The following NEDD9 variants were observed in gnomAD, a reference collection of about 807,000 sequenced individuals.
NEDD9 encodes enhancer of filamentation 1.
A neutral mutation model predicts 76.6 loss-of-function variants in NEDD9; 26 were observed. That is an observed-to-expected ratio of 0.34 (90% CI 0.25 to 0.47). The LOEUF is 0.47. Ranked by LOEUF, NEDD9 falls within the 20% of genes least tolerant of loss-of-function variation. NEDD9 has a pLI of 1.00. For missense variants in NEDD9, 937 were observed against 1,058.5 expected, an observed-to-expected ratio of 0.89 and a Z score of 1.59; for synonymous variants, 392 against 414.2, an observed-to-expected ratio of 0.95 and a Z score of 0.65.
chr6:11,188,233 C>A lies in NEDD9; in HGVS notation c.1980G>T (p.Gln660His). 1 of 1,614,110 alleles carries A rather than the reference C, an allele frequency of 6.2e-7. No homozygotes were observed. ...KENIMKQNKMQLEHHQLSQFQ... is the reference protein window; with the variant it reads ...KENIMKQNKMHLEHHQLSQFQ... ...TTGAACTTACCTGATGATGTTCCAG[C>A]TGCATCTTGTTCTGTTTCATGATAT... The change falls in exon 6 of 7, where the codon CAG becomes CAT. Residue 660 changes from glutamine to histidine, a missense_variant. Transcript: ENST00000379446.
intron 3 of NEDD9, among the ~76,000 whole-genome samples, chr6:11,277,962 C>G (rs542243190): frequency 9.2e-5 from 14 of 152,296 alleles, no homozygotes; most frequent in Admixed American, 2.6e-4. Context: ...CTGAGGGCCA[C>G]TTCTTTTCCA....
intron 3 of NEDD9, among the ~76,000 whole-genome samples, chr6:11,245,300 C>T (rs1759786837): frequency 6.6e-6 from 1 of 152,208 alleles, no homozygotes; most frequent in Admixed American, 6.5e-5. Context: ...GCAGATCCAC[C>T]CTTTTATTTC....
Position 11,190,713 on chromosome 6 carries a change from A to C in NEDD9, c.1156T>G (p.Ser386Ala), listed in dbSNP as rs773291202. The C allele has an allele frequency of 1.2e-6, 2 of 1,614,082 alleles. No individual in the cohort carries two copies. Among genetic ancestry groups the C allele is most frequent in the East Asian group, 4.5e-5 (2 of 44,874 alleles). ...GCTGACAGTGAGGACTCCTTGGAGG[A>C]GGTGGAAGACGTGGACATGTTACTC... ...TRSNMSTSSTSSKESSLSASP... is the reference protein window; with the variant it reads ...TRSNMSTSSTASKESSLSASP... The change falls in exon 5 of 7, where the codon TCC becomes GCC. Residue 386 changes from serine (S) to alanine (A), a missense_variant. Physicochemically the swap from Ser to Ala is moderately conservative, Grantham distance 99 (BLOSUM62 1). Transcript: ENST00000379446. The surrounding 1 kb of genome is among the most constrained non-coding windows in gnomAD (Gnocchi z 5.8).
At chr6:11,266,223 C>T (rs776977746) in intron 3 of NEDD9, among the ~76,000 whole-genome samples, 1 of 152,136 alleles carries the variant, frequency 6.6e-6, no homozygotes, top group African/African-American at 2.4e-5. Flanking sequence ...CAGTGGTTCT[C>T]ACCTGTGGGT....
At chr6:11,322,827 A>G (rs1014149487) in intron 2 of NEDD9, among the ~76,000 whole-genome samples, 1 of 152,186 alleles carries the variant, frequency 6.6e-6, no homozygotes, top group African/African-American at 2.4e-5. Flanking sequence ...ATTGTTTGCA[A>G]ACACCCACAG....
intron 1 of NEDD9, among the ~76,000 whole-genome samples, chr6:11,342,240 G>A (rs1382042651): frequency 6.6e-6 from 1 of 152,088 alleles, no homozygotes; most frequent in Non-Finnish European, 1.5e-5. Flanking sequence ...TGGTGTCCCA[G>A]AAGGAGGAGA....
At chr6:11,354,215 C>A (rs754788449) in intron 1 of NEDD9, among the ~76,000 whole-genome samples, 1 of 152,192 alleles carries the variant, frequency 6.6e-6, no homozygotes, top group African/African-American at 2.4e-5. Context: ...GCTATTTATT[C>A]TTTGTGTACA....
At chr6:11,298,832 T>C (rs1205227762) in intron 3 of NEDD9, among the ~76,000 whole-genome samples, 1 of 152,202 alleles carries the variant, frequency 6.6e-6, no homozygotes, top group East Asian at 1.9e-4. Flanking sequence ...TAAGAGGTCA[T>C]TACCTTGACC....
At chr6:11,249,341 G>C (rs1472368804) in intron 3 of NEDD9, 1 of 379,884 alleles carries the variant, frequency 2.6e-6, no homozygotes, top group Non-Finnish European at 5.2e-6. Flanking sequence ...TCCTGGGTTG[G>C]TTCAGGGCTC....
At chr6:11,298,459 G>T (rs1354607541) in intron 3 of NEDD9, among the ~76,000 whole-genome samples, 1 of 152,156 alleles carries the variant, frequency 6.6e-6, no homozygotes, top group Non-Finnish European at 1.5e-5. Context: ...TGGTTTTTAG[G>T]TTTAGAATTC....
chr6:11,342,008 A>C (rs1762283620), intron 1 of NEDD9, among the ~76,000 whole-genome samples: 1 of 152,176 alleles, frequency 6.6e-6, no homozygotes, highest in Non-Finnish European at 1.5e-5. Context: ...GAACCCTAAA[A>C]AGAAACAAAT....
intron 3 of NEDD9, among the ~76,000 whole-genome samples, chr6:11,238,376 T>C (rs921365839): frequency 6.6e-6 from 1 of 152,218 alleles, no homozygotes; most frequent in African/African-American, 2.4e-5. Context: ...TCTCTTCATA[T>C]GAATGAATGA....
chr6:11,269,814 A>T (rs940270031), intron 3 of NEDD9, among the ~76,000 whole-genome samples: 15 of 146,600 alleles, frequency 1.0e-4, no homozygotes, highest in African/African-American at 4.0e-4. Context: ...CCATTAAAAA[A>T]CAAACAAACA....
At chr6:11,315,115 G>A (rs1012709633) in intron 2 of NEDD9, among the ~76,000 whole-genome samples, 8 of 152,184 alleles carry the variant, frequency 5.3e-5, no homozygotes, top group African/African-American at 1.9e-4. Flanking sequence ...TTCCTGGGCT[G>A]CTAACAGTAT....
At chr6:11,372,051 G>T (rs868460161) in intron 1 of NEDD9, among the ~76,000 whole-genome samples, 1 of 152,102 alleles carries the variant, frequency 6.6e-6, no homozygotes, top group Non-Finnish European at 1.5e-5. Context: ...CGGTCATCCT[G>T]TTGTGCTAGC....
intron 3 of NEDD9, among the ~76,000 whole-genome samples, chr6:11,299,096 C>T (rs1447662157): frequency 6.6e-6 from 1 of 152,164 alleles, no homozygotes; most frequent in Non-Finnish European, 1.5e-5. Flanking sequence ...CAAGGGAAGC[C>T]ATGACAGACT....
chr6:11,317,711 A>C (rs1262018273), intron 2 of NEDD9, among the ~76,000 whole-genome samples: 1 of 152,182 alleles, frequency 6.6e-6, no homozygotes, highest in African/African-American at 2.4e-5. Context: ...TGTAAAGAAA[A>C]GATGATAAAC....
intron 1 of NEDD9, among the ~76,000 whole-genome samples, chr6:11,358,664 G>A (rs1323824059): frequency 6.6e-6 from 1 of 152,158 alleles, no homozygotes. Context: ...GAGGAAGGAA[G>A]AAAAATGACC....
At chr6:11,265,970 G>C (rs1330689381) in intron 3 of NEDD9, among the ~76,000 whole-genome samples, 1 of 148,866 alleles carries the variant, frequency 6.7e-6, no homozygotes, top group African/African-American at 2.5e-5. Flanking sequence ...TCATAAGTGG[G>C]AGCTAAAAAA....
Sources: allele counts gnomAD v4.1 joint callset (sites outside exome capture counted in the v4.1 genomes callset), GRCh38; gene constraint gnomAD v4.1.1; non-coding constraint Gnocchi (gnomAD v3.1); transcripts MANE v1.5; gene names NCBI Gene and HGNC (gene_info 2026-07-23, HGNC 2026-07-21).